The following DSCAML1 variants were observed in gnomAD, a reference collection of about 807,000 sequenced individuals.
The protein encoded by DSCAML1 is cell adhesion molecule DSCAML1.
In DSCAML1, 38 loss-of-function variants were observed where a neutral mutation model predicts 200.5. That is an observed-to-expected ratio of 0.19 (90% CI 0.15 to 0.25). DSCAML1 has a LOEUF of 0.25. Ranked by LOEUF, DSCAML1 falls within the 10% of genes least tolerant of loss-of-function variation. The pLI is 1.00. For missense variants in DSCAML1, 2,223 were observed against 2,858.8 expected (o/e 0.78, Z 5.07); for synonymous variants, 1,215 against 1,165.0 (o/e 1.04, Z -0.87).
chr11:117,511,556 C>T (rs1012618264), intron 8 of DSCAML1, among the ~76,000 whole-genome samples: 1 of 152,166 alleles, frequency 6.6e-6, no homozygotes. Flanking sequence ...AGGATTTCTC[C>T]GGATGACCAG....
intron 22 of DSCAML1, 52 bp downstream of exon 22, chr11:117,439,767 T>C (rs1352280031): frequency 2.9e-5 from 44 of 1,539,724 alleles, no homozygotes; most frequent in Non-Finnish European, 3.0e-5. Context: ...ACCGCTCTTC[T>C]ACTATATCCC....
At chr11:117,443,714 G>A (rs2048116929) in intron 21 of DSCAML1, among the ~76,000 whole-genome samples, 172 bp downstream of exon 21, 1 of 152,254 alleles carries the variant, frequency 6.6e-6, no homozygotes, top group African/African-American at 2.4e-5. Context: ...GGAGTCAGGG[G>A]GCAGCAGAGG....
rs745437136 is a variant in DSCAML1, at chr11:117,776,798, G to A, written c.504C>T (p.Ile168=). The change falls in exon 3 of 33, where the codon ATC becomes ATT. Residue 168 remains isoleucine, a synonymous_variant. Coordinates refer to ENST00000651296, the MANE Select transcript of DSCAML1 (RefSeq NM_020693.4). ...VVSWEKDTVS[I]IPEHRFFITY... is the part of the protein sequence containing the mutation. ...CCCCGGGACGCTTCTTACCTGGGAT[G>A]ATGGAGACTGTGTCTTTCTCCCAAG... 3 of 1,614,020 alleles carry A rather than the reference G, an allele frequency of 1.9e-6. No homozygotes were observed. The highest frequency in any genetic ancestry group is 2.7e-5 in the African/African-American group (2 of 74,920).
chr11:117,747,444 C>T (rs1002043794), intron 3 of DSCAML1, among the ~76,000 whole-genome samples: 3 of 152,176 alleles, frequency 2.0e-5, no homozygotes, highest in African/African-American at 7.2e-5. Flanking sequence ...AATGAGCTCT[C>T]ACTGTCCTTT....
At chr11:117,508,170 A>T (rs567600201) in intron 8 of DSCAML1, among the ~76,000 whole-genome samples, 17 of 152,102 alleles carry the variant, frequency 1.1e-4, no homozygotes, top group Non-Finnish European at 1.9e-4. Context: ...TCCTGCTCAC[A>T]AAGGCCTCCT....
rs369173732 is a variant in DSCAML1, at chr11:117,524,976, C to T, written c.766G>A (p.Ala256Thr). The T allele has an allele frequency of 6.5e-5, 105 of 1,612,490 alleles. No individual in the cohort carries two copies. Among genetic ancestry groups the T allele is most frequent in the South Asian group, 5.4e-4 (49 of 90,784 alleles). Residue 256 changes from alanine to threonine, a missense_variant, in exon 5 of 33, where the codon GCC becomes ACC. By Grantham distance (58) the Ala-to-Thr change is moderately conservative. This residue lies in a region of DSCAML1 where 579 missense variants were observed against 721.5 expected (regional missense o/e 0.80). Transcript: ENST00000651296. ...CGGCCATCCTTGAGCCAGCGGATGG[C>T]GGGGATAGGGTAGCCCGAGGCGGTG... ...PCTASGYPIPAIRWLKDGRPL... is the reference protein window; with the variant it reads ...PCTASGYPIPTIRWLKDGRPL...
chr11:117,462,893 C>T (rs1254111052), intron 17 of DSCAML1, among the ~76,000 whole-genome samples: 1 of 152,246 alleles, frequency 6.6e-6, no homozygotes, highest in Non-Finnish European at 1.5e-5. Flanking sequence ...TCTCCCCTCT[C>T]CTCTGTTTTG....
At chr11:117,655,598 C>T (rs1381682190) in intron 3 of DSCAML1, among the ~76,000 whole-genome samples, 1 of 152,200 alleles carries the variant, frequency 6.6e-6, no homozygotes, top group African/African-American at 2.4e-5. Flanking sequence ...AGGAGCTCCC[C>T]AGTGCCAGAA....
At chr11:117,716,752 C>T (rs1355382689) in intron 3 of DSCAML1, among the ~76,000 whole-genome samples, 1 of 152,182 alleles carries the variant, frequency 6.6e-6, no homozygotes, top group East Asian at 1.9e-4. Flanking sequence ...TTTCATGACA[C>T]ATTAAAATTA....
chr11:117,679,576 C>T (rs146744704), intron 3 of DSCAML1, among the ~76,000 whole-genome samples: 6 of 152,344 alleles, frequency 3.9e-5, no homozygotes, highest in African/African-American at 1.2e-4. Context: ...CTGCCAGCTG[C>T]TCCACCCTTT....
chr11:117,701,940 C>T lies in DSCAML1; in HGVS notation c.511+74851G>A, dbSNP rs925728162. Among the ~76,000 whole-genome samples the T allele has an allele frequency of 3.9e-5, 6 of 152,302 alleles. No homozygotes were observed. In the South Asian group the frequency reaches 8.3e-4, roughly 21 times the overall value. On this transcript the variant is annotated intron_variant, in intron 3 of 32. Transcript: ENST00000651296. ...TGCCAGGTGCAGGGTAAACAGACAG[C>T]GCGTGGCAGCTGTGGTTACTGCAGT...
chr11:117,718,717 T>C (rs986617209), intron 3 of DSCAML1, among the ~76,000 whole-genome samples: 1 of 121,376 alleles, frequency 8.2e-6, no homozygotes, highest in African/African-American at 3.1e-5. Context: ...CCTCTCTGGC[T>C]AGTGTGTCTT....
chr11:117,546,944 TGTAATA>T (rs756321746), intron 3 of DSCAML1, among the ~76,000 whole-genome samples: 1 of 152,114 alleles, frequency 6.6e-6, no homozygotes, highest in Non-Finnish European at 1.5e-5. Context: ...TCAGCCCCAT[TGTAATA>T]GCATTTCCCT....
rs1159816755 is a variant in DSCAML1 at position 117,498,025 on chromosome 11, G to C, written c.2359+5820C>G. Among the ~76,000 whole-genome samples, 1 of 152,248 alleles carries C rather than the reference G, an allele frequency of 6.6e-6. No homozygotes were observed. Among genetic ancestry groups the C allele is most frequent in the Non-Finnish European group, 1.5e-5 (1 of 68,036 alleles). ...CGGATGGGATTGGACCAGACCTGTG[G>C]ACTAGAGGTCCGTCAGCCAGTCCAG... On this transcript the variant is annotated intron_variant, in intron 11 of 32. Transcript: ENST00000651296. The surrounding 1 kb of genome is among the most constrained non-coding windows in gnomAD (Gnocchi z 4.0).
intron 3 of DSCAML1, among the ~76,000 whole-genome samples, chr11:117,610,505 TG>T (rs1286647367): frequency 1.3e-5 from 2 of 151,956 alleles, no homozygotes; most frequent in Non-Finnish European, 1.5e-5. Context: ...AACCTCCCCT[TG>T]CCCCCAAATG....
In DSCAML1 at chr11:117,504,016, C is replaced by T. The variant is rs778578406; in HGVS notation, c.2188G>A (p.Gly730Arg). Residue 730 changes from glycine to arginine, a missense_variant, in exon 11 of 33, where the codon GGG becomes AGG. By Grantham distance (125) the Gly-to-Arg change is moderately radical. Transcript: ENST00000651296. The surrounding 1 kb of genome is among the most constrained non-coding windows in gnomAD (Gnocchi z 5.0). Reference sequence around the variant, plus strand: ...ACAGGGTGGTACTGCTGGGGGTTCCCGCTCCCTGGAAGGAGGCAGCTGTTA... The same window carrying T: ...ACAGGGTGGTACTGCTGGGGGTTCCTGCTCCCTGGAAGGAGGCAGCTGTTA... ...KVMWKHAKGS[G>R]NPQQYHPVPL... The T allele has an allele frequency of 6.8e-6, 11 of 1,613,528 alleles. No individual in the cohort carries two copies. The highest frequency in any genetic ancestry group is 1.1e-5 in the South Asian group (1 of 91,038).
At chr11:117,744,140 A>T (rs569111747) in intron 3 of DSCAML1, among the ~76,000 whole-genome samples, 56 of 152,354 alleles carry the variant, frequency 3.7e-4, no homozygotes, top group African/African-American at 1.2e-3. Flanking sequence ...CACATGGGTT[A>T]TCTCATTTAA....
At chr11:117,630,029 G>A (rs1565837511) in intron 3 of DSCAML1, among the ~76,000 whole-genome samples, 1 of 152,098 alleles carries the variant, frequency 6.6e-6, no homozygotes, top group Non-Finnish European at 1.5e-5. Flanking sequence ...GGAGAAGATT[G>A]CCTCTTTAAG....
At chr11:117,443,570 C>CT (rs2048112816) in intron 21 of DSCAML1, among the ~76,000 whole-genome samples, 7 of 152,362 alleles carry the variant, frequency 4.6e-5, no homozygotes, top group Admixed American at 3.3e-4. Flanking sequence ...GGGACAAAGG[C>CT]CCGGCTTTGA....
Sources: gnomAD v4.1 joint callset for allele counts (sites outside exome capture counted in the v4.1 genomes callset) on GRCh38, gnomAD v4.1.1 for gene constraint, gnomAD v4.1.1 regional missense constraint, Gnocchi (gnomAD v3.1) non-coding constraint, MANE v1.5 for transcripts, NCBI Gene and HGNC (gene_info 2026-07-23, HGNC 2026-07-21) for gene names.